The following SI variants were observed in gnomAD, a reference collection of about 807,000 sequenced individuals.
SI encodes the protein sucrase-isomaltase, intestinal.
In SI, 235 loss-of-function variants were observed where a neutral mutation model predicts 253.3. The ratio of observed to expected loss-of-function variants is 0.93; its 90% CI spans 0.83 to 1.03. The LOEUF (loss-of-function observed/expected upper bound fraction) is 1.03. SI is among the 50% of genes least tolerant of loss of function. The probability of loss-of-function intolerance (pLI) is 0.00; values close to 1 mark genes in which losing one functional copy is unlikely to be tolerated. For missense variants in SI, 2,442 were observed against 2,211.1 expected (o/e 1.10, Z -2.09); for synonymous variants, 819 against 712.0 (o/e 1.15, Z -2.39).
In SI at chr3:165,021,210, A is replaced by G. The variant is rs1038306469; in HGVS notation, c.3254+19T>C. 1 of 1,603,046 alleles carries G rather than the reference A, an allele frequency of 6.2e-7. No homozygotes were observed. Among genetic ancestry groups the G allele is most frequent in the African/African-American group, 1.3e-5 (1 of 74,524 alleles). ...CTAAAATTAAAATATCCTTTATATC[A>G]AATAATTCAATTACTTACATGACTC... On this transcript the variant is annotated intron_variant, in intron 27 of 47. Transcript: ENST00000264382.
At chr3:165,019,473 T>TG in intron 28 of SI, 129 bp downstream of exon 28, 1 of 863,462 alleles carries the variant, frequency 1.2e-6, no homozygotes, top group Non-Finnish European at 1.9e-6. Context: ...TTGCTATAGC[T>TG]GCTCTGGAGA....
At chr3:165,031,553 CATA>C (rs1442206752) in intron 24 of SI, among the ~76,000 whole-genome samples, 2 of 149,714 alleles carry the variant, frequency 1.3e-5, no homozygotes, top group African/African-American at 2.4e-5. Context: ...AAATATAAAT[CATA>C]ATATGCCTAT....
At chr3:165,089,087 C>CTTTT in the SI span, among the ~76,000 whole-genome samples, 2 of 46,344 alleles carry the variant, frequency 4.3e-5, no homozygotes, top group African/African-American at 1.4e-4. Context: ...TTTCTTTTTT[C>CTTTT]TTTTTTTTTT....
chr3:165,050,696 C>G (rs1254600337), intron 13 of SI, among the ~76,000 whole-genome samples: 7 of 152,066 alleles, frequency 4.6e-5, no homozygotes, highest in African/African-American at 7.2e-5. Context: ...TTTCTCATCT[C>G]TATAATAGTC....
chr3:164,989,265 A>C (rs1717590847), intron 44 of SI, among the ~76,000 whole-genome samples: 2 of 151,086 alleles, frequency 1.3e-5, no homozygotes, highest in African/African-American at 4.9e-5. Context: ...GAATCGCTGG[A>C]ACCCAGGAGG....
chr3:164,982,395 T>G lies in SI; in HGVS notation c.5263A>C (p.Thr1755Pro). 1 of 1,611,318 alleles carries G rather than the reference T, an allele frequency of 6.2e-7. No homozygotes were observed. ...FNLNQTTLTS[T>P]ILKRGYINKS... Reference sequence around the variant, plus strand: ...TTTATGTAACCTCTCTTCAATATAGTGCTTGTTAAGGTGGTCTATAAATAA... The same window carrying G: ...TTTATGTAACCTCTCTTCAATATAGGGCTTGTTAAGGTGGTCTATAAATAA... The change falls in exon 47 of 48, where the codon ACT becomes CCT. Residue 1755 changes from threonine (T) to proline (P), a missense_variant. Physicochemically the swap from Thr to Pro is conservative, Grantham distance 38. Coordinates refer to ENST00000264382, the MANE Select transcript of SI (RefSeq NM_001041.4).
chr3:164,992,539 A>G (rs141135157), intron 41 of SI, 142 bp from the exon 42 acceptor site: 14 of 643,008 alleles, frequency 2.2e-5, no homozygotes, highest in African/African-American at 1.3e-4. Flanking sequence ...ATTAAAAAAT[A>G]TATCAGTTGG....
rs73877394 is a variant in SI at position 165,056,129 on chromosome 3, T to G, written c.1399-822A>C. Among the ~76,000 whole-genome samples, 620 of 152,312 alleles carry G rather than the reference T, an allele frequency of 4.1e-3. 4 individuals are homozygous for G. Among genetic ancestry groups the G allele is most frequent in the African/African-American group, 0.014 (585 of 41,582 alleles). On this transcript the variant is annotated intron_variant, in intron 12 of 47. Coordinates refer to ENST00000264382, the MANE Select transcript of SI (RefSeq NM_001041.4). ...TCAGATAAGTTGAGCTAAATTATAT[T>G]GTTTTGTATCCAAACATTTCAAATC... is the stretch of plus-strand genomic sequence containing the variant.
chr3:165,065,007 C>T (rs1371793852), intron 7 of SI, among the ~76,000 whole-genome samples: 8 of 151,896 alleles, frequency 5.3e-5, no homozygotes, highest in South Asian at 4.1e-4. Context: ...TAATAAAATA[C>T]GATCATGAAA....
intron 47 of SI, among the ~76,000 whole-genome samples, chr3:164,981,453 A>G (rs973756483): frequency 3.9e-5 from 6 of 152,066 alleles, no homozygotes; most frequent in African/African-American, 9.7e-5. Flanking sequence ...CGAACATCTG[A>G]CAATTTTAGA....
chr3:165,016,105 G>T (rs370327787), intron 31 of SI, 25 bp from the exon 32 acceptor site: 1 of 1,604,536 alleles, frequency 6.2e-7, no homozygotes. Flanking sequence ...AATTATCAAA[G>T]TAGGGCAAAA....
chr3:165,004,167 AC>A (rs1436596023), intron 37 of SI, among the ~76,000 whole-genome samples: 1 of 152,180 alleles, frequency 6.6e-6, no homozygotes, highest in Non-Finnish European at 1.5e-5. Context: ...TCAAAAGAAG[AC>A]ATACAAATGG....
chr3:165,030,914 A>T (rs372634160), intron 24 of SI, 47 bp from the exon 25 acceptor site: 2 of 1,514,040 alleles, frequency 1.3e-6, no homozygotes, highest in Admixed American at 4.6e-5. Flanking sequence ...AAAAAACACA[A>T]ACAAACAAAA....
intron 25 of SI, among the ~76,000 whole-genome samples, chr3:165,027,713 G>A (rs1398366043): frequency 1.3e-5 from 2 of 151,018 alleles, no homozygotes; most frequent in East Asian, 1.9e-4. Flanking sequence ...CAAAAATCAC[G>A]GGATCATCTC....
At position 165,055,205 on chromosome 3, in the gene SI, C is replaced by T; in HGVS notation, c.1501G>A (p.Gly501Arg). 1 of 1,599,442 alleles carries T rather than the reference C, an allele frequency of 6.3e-7. No homozygotes were observed. The highest frequency in any genetic ancestry group is 8.6e-7 in the Non-Finnish European group (1 of 1,167,300). ...AAATAGCTACTTACAATCCAAAGTC[C>T]ATCATATTGCACTTCTTGATGGAAA... ...SIFHQEVQYD[G>R]LWIDMNEVSS... The change falls in exon 13 of 48, where the codon GGA (glycine) becomes AGA (arginine). Residue 501 changes from glycine (G) to arginine (R), a missense_variant. Gly to Arg is a moderately radical substitution (Grantham distance 125). Coordinates refer to ENST00000264382, the MANE Select transcript of SI (RefSeq NM_001041.4).
At chr3:165,029,168 CAT>C (rs766931940) in intron 25 of SI, among the ~76,000 whole-genome samples, 9 of 150,878 alleles carry the variant, frequency 6.0e-5, no homozygotes, top group Non-Finnish European at 1.0e-4. Flanking sequence ...GGCCAACAAA[CAT>C]ATGAAAAAAT....
chr3:165,050,569 T>C (rs1037102443), intron 13 of SI, among the ~76,000 whole-genome samples: 17 of 152,064 alleles, frequency 1.1e-4, no homozygotes, highest in African/African-American at 4.1e-4. Flanking sequence ...CAGTTAAGTC[T>C]TTGCACTAAA....
intron 5 of SI, 120 bp from the exon 6 acceptor site, chr3:165,067,611 G>T: frequency 2.3e-6 from 2 of 870,154 alleles, no homozygotes; most frequent in Non-Finnish European, 3.8e-6. Context: ...TTTCATAGAA[G>T]AGTATTAATT....
chr3:164,991,095 A>G (rs1717711818), intron 44 of SI, among the ~76,000 whole-genome samples: 1 of 152,116 alleles, frequency 6.6e-6, no homozygotes, highest in South Asian at 2.1e-4. Context: ...CTACATGTGC[A>G]ACATCTGCCT....
Sources: allele counts gnomAD v4.1 joint callset (sites outside exome capture counted in the v4.1 genomes callset), GRCh38; gene constraint gnomAD v4.1.1; transcripts MANE v1.5; gene names NCBI Gene and HGNC (gene_info 2026-07-23, HGNC 2026-07-21).